The following MPDZ variants were observed in gnomAD, a reference collection of about 807,000 sequenced individuals.
MPDZ encodes the protein multiple PDZ domain crumbs cell polarity complex component.
Under a neutral mutation model 239.1 loss-of-function variants are expected in MPDZ, and 234 were observed. The ratio of observed to expected loss-of-function variants is 0.98; its 90% confidence interval spans 0.88 to 1.09. The LOEUF (loss-of-function observed/expected upper bound fraction) is 1.09. Ranked by LOEUF, MPDZ falls within the 50% of genes least tolerant of loss-of-function variation. MPDZ has a pLI of 0.00. For missense variants in MPDZ, 3,175 were observed against 2,510.0 expected, an observed-to-expected ratio of 1.26 and a Z score of -5.66; for synonymous variants, 1,048 against 881.3, an observed-to-expected ratio of 1.19 and a Z score of -3.35.
Position 13,192,124 on chromosome 9 carries a change from C to T in MPDZ, c.1968+7G>A. On this transcript the variant is annotated splice_region_variant and intron_variant, in intron 15 of 46. Transcript: ENST00000319217. ...GTAGGTTAGCCTCATGTATGCAAAT[C>T]TGATACCTTTTCTGTTAGCTCAATA... is the stretch of plus-strand genomic sequence containing the variant. 6.3e-7 allele frequency: 1 copy of T among 1,587,054 alleles called. No individual in the cohort carries two copies. Among genetic ancestry groups the T allele is most frequent in the African/African-American group, 1.3e-5 (1 of 74,524 alleles).
chr9:13,187,503 T>C (rs1325861653), intron 17 of MPDZ, among the ~76,000 whole-genome samples: 1 of 152,156 alleles, frequency 6.6e-6, no homozygotes, highest in Non-Finnish European at 1.5e-5. Flanking sequence ...TCTTTTGTCA[T>C]AATTTTTACA....
intron 7 of MPDZ, among the ~76,000 whole-genome samples, chr9:13,221,071 A>G (rs971525018): frequency 1.3e-5 from 2 of 152,000 alleles, no homozygotes; most frequent in Non-Finnish European, 2.9e-5. Flanking sequence ...AATTATGACT[A>G]TAAAACAAAT....
At chr9:13,251,230 G>A (rs781393985) in intron 1 of MPDZ, among the ~76,000 whole-genome samples, 12 of 151,530 alleles carry the variant, frequency 7.9e-5, no homozygotes, top group African/African-American at 1.2e-4. Flanking sequence ...TTTAAATCAC[G>A]GATGAAAAAC....
chr9:13,143,321 G>A, intron 27 of MPDZ, 145 bp downstream of exon 27: 1 of 599,426 alleles, frequency 1.7e-6, no homozygotes, highest in South Asian at 2.3e-5. Context: ...GGATCTGCAT[G>A]CCCACTCCAA....
chr9:13,180,638 G>T (rs966532469), intron 19 of MPDZ, among the ~76,000 whole-genome samples: 2 of 152,098 alleles, frequency 1.3e-5, no homozygotes, highest in Non-Finnish European at 2.9e-5. Context: ...CATATCTTTG[G>T]AGGTAACAAG....
chr9:13,106,921 G>T lies in MPDZ; in HGVS notation c.*44C>A. 1 of 1,605,060 alleles carries T rather than the reference G, an allele frequency of 6.2e-7. No homozygotes were observed. Among genetic ancestry groups the T allele is most frequent in the Non-Finnish European group, 8.5e-7 (1 of 1,172,660 alleles). On this transcript the variant is annotated 3_prime_UTR_variant, in exon 47 of 47. Coordinates refer to ENST00000319217, the MANE Select transcript of MPDZ (RefSeq NM_001378778.1). Reference sequence around the variant, plus strand: ...GGACCAGTGCATTCTCTTTACAGTAGGAGGTGAGCTAGGGGTTGGGTTGGT... The same window carrying T: ...GGACCAGTGCATTCTCTTTACAGTATGAGGTGAGCTAGGGGTTGGGTTGGT...
chr9:13,205,783 TA>T, intron 11 of MPDZ, 132 bp downstream of exon 11: 1 of 778,674 alleles, frequency 1.3e-6, no homozygotes, highest in Non-Finnish European at 1.9e-6. Flanking sequence ...CCTTGGTTTA[TA>T]ATGAATAGTT....
intron 3 of MPDZ, among the ~76,000 whole-genome samples, chr9:13,230,767 G>A (rs1397880342): frequency 1.1e-4 from 16 of 152,062 alleles, no homozygotes; most frequent in East Asian, 5.8e-4. Flanking sequence ...GGAGGGAAAC[G>A]GGAGGGAGGA....
intron 1 of MPDZ, among the ~76,000 whole-genome samples, chr9:13,271,462 A>C (rs1220091888): frequency 6.6e-6 from 1 of 152,186 alleles, no homozygotes; most frequent in Non-Finnish European, 1.5e-5. Flanking sequence ...TCCCTTTGTA[A>C]ATGTGACAGA....
Position 13,146,495 on chromosome 9 carries a change from A to G in MPDZ, c.3741+1053T>C, listed in dbSNP as rs1057096027. On this transcript the variant is annotated intron_variant, in intron 26 of 46. Coordinates refer to ENST00000319217, the MANE Select transcript of MPDZ (RefSeq NM_001378778.1). ...GATAAAATTAAATATTTTAAGTTTT[A>G]GACGATGCGTTCAACTTCCCTCACA... Among the ~76,000 whole-genome samples, 160 of 152,222 alleles carry G rather than the reference A, an allele frequency of 1.1e-3. 1 individual carries two copies. Among genetic ancestry groups the G allele is most frequent in the African/African-American group, 3.7e-3 (152 of 41,558 alleles).
At chr9:13,218,017 A>G (rs1038283856) in intron 8 of MPDZ, among the ~76,000 whole-genome samples, 4 of 151,878 alleles carry the variant, frequency 2.6e-5, no homozygotes, top group African/African-American at 9.7e-5. Flanking sequence ...ACTATGTATT[A>G]GCATGGTGTC....
At chr9:13,209,437 T>C (rs1957363914) in intron 10 of MPDZ, among the ~76,000 whole-genome samples, 1 of 152,154 alleles carries the variant, frequency 6.6e-6, no homozygotes, top group Non-Finnish European at 1.5e-5. Context: ...CTACAGTAAA[T>C]TTAAACTTTC....
intron 9 of MPDZ, 95 bp downstream of exon 9, chr9:13,217,085 A>C (rs1028736384): frequency 1.0e-6 from 1 of 956,976 alleles, no homozygotes; most frequent in African/African-American, 1.7e-5. Flanking sequence ...TTTATCCAAC[A>C]ACCTGAAACA....
intron 32 of MPDZ, among the ~76,000 whole-genome samples, chr9:13,130,654 A>G (rs1012562641): frequency 6.6e-6 from 1 of 152,254 alleles, no homozygotes; most frequent in African/African-American, 2.4e-5. Flanking sequence ...AAGCCAGAAT[A>G]TTGAAGTAAT....
intron 3 of MPDZ, among the ~76,000 whole-genome samples, chr9:13,237,505 T>G (rs1325661213): frequency 4.0e-5 from 6 of 148,332 alleles, no homozygotes. Context: ...GCATAATAAA[T>G]TCAATGATTG....
rs532177195 is a variant in MPDZ, at chr9:13,251,069, C to T, written c.-57-697G>A. On this transcript the variant is annotated intron_variant, in intron 1 of 46. Coordinates refer to ENST00000319217, the MANE Select transcript of MPDZ (RefSeq NM_001378778.1). ...ACTTGAACCCAGGAAGCGGTGGTTGCGGTGAGCCGAGATCATGCCACCGCA... is the reference window on the plus strand; with the variant it reads ...ACTTGAACCCAGGAAGCGGTGGTTGTGGTGAGCCGAGATCATGCCACCGCA... 1.2e-3 allele frequency among the ~76,000 whole-genome samples: 158 copies of T among 126,624 alleles called. 1 individual carries two copies. The South Asian group carries it at 0.04, about 32-fold the overall frequency. The allele number at this position is 126,624 out of a possible 152,430, so 83.1% of individuals were successfully genotyped here.
At chr9:13,255,658 A>T (rs1969261267) in intron 1 of MPDZ, among the ~76,000 whole-genome samples, 1 of 152,228 alleles carries the variant, frequency 6.6e-6, no homozygotes, top group Admixed American at 6.5e-5. Flanking sequence ...GTCAATGAGC[A>T]GTAATATATT....
intron 38 of MPDZ, among the ~76,000 whole-genome samples, chr9:13,121,104 G>A (rs1586947191): frequency 6.6e-6 from 1 of 152,200 alleles, no homozygotes; most frequent in East Asian, 1.9e-4. Flanking sequence ...GAATTAGGTT[G>A]TGAATTTTTG....
At chr9:13,245,871 T>C (rs1323214454) in intron 3 of MPDZ, among the ~76,000 whole-genome samples, 2 of 152,146 alleles carry the variant, frequency 1.3e-5, no homozygotes, top group East Asian at 1.9e-4. Context: ...AGACACTGTA[T>C]GCACAAATAA....
Sources: gnomAD v4.1 joint callset for allele counts (sites outside exome capture counted in the v4.1 genomes callset) on GRCh38, gnomAD v4.1.1 for gene constraint, MANE v1.5 for transcripts, NCBI Gene and HGNC (gene_info 2026-07-23, HGNC 2026-07-21) for gene names.